Variants in MBD5 observed in about 807,000 individuals in gnomAD.
The protein encoded by MBD5 is methyl-CpG binding domain protein 5, also known as methyl-CpG-binding domain protein 5.
In MBD5, 13 loss-of-function variants were observed where a neutral mutation model predicts 117.3. That is an observed-to-expected ratio of 0.11 (90% CI 0.07 to 0.18). MBD5 has a LOEUF of 0.18. Among genes scored for constraint, MBD5 ranks in the 10% least tolerant of loss-of-function variants. The probability of loss-of-function intolerance (pLI) is 1.00; values close to 1 mark genes in which losing one functional copy is unlikely to be tolerated. For missense variants in MBD5, 1,879 were observed against 2,093.8 expected (o/e 0.90, Z 2.00); for synonymous variants, 727 against 766.4 (o/e 0.95, Z 0.85).
chr2:148,471,072 C>G (rs1680781418), intron 8 of MBD5: 1 of 151,752 alleles, frequency 6.6e-6, no homozygotes, highest in Non-Finnish European at 1.5e-5. Context: ...AAAAAAAAAG[C>G]TAATAATTTA....
At chr2:148,135,300 G>C (rs1443416388) in intron 1 of MBD5, among the ~76,000 whole-genome samples, 1 of 152,126 alleles carries the variant, frequency 6.6e-6, no homozygotes, top group Non-Finnish European at 1.5e-5. Context: ...AACTTTACTT[G>C]TGTTACTTCT....
chr2:148,502,881 T>A (rs1681915894), intron 12 of MBD5: 4 of 322,182 alleles, frequency 1.2e-5, no homozygotes, highest in South Asian at 6.6e-5. Context: ...GGGGAGTAAA[T>A]ACCCCTCGTT....
At chr2:148,336,387 T>C (rs1222354347) in intron 3 of MBD5, among the ~76,000 whole-genome samples, 1 of 152,150 alleles carries the variant, frequency 6.6e-6, no homozygotes, top group African/African-American at 2.4e-5. Flanking sequence ...TCTACTCTTC[T>C]TTTCTTTCTT....
At chr2:148,170,367 A>C (rs1221703299) in intron 1 of MBD5, among the ~76,000 whole-genome samples, 1 of 152,232 alleles carries the variant, frequency 6.6e-6, no homozygotes, top group Non-Finnish European at 1.5e-5. Flanking sequence ...CTGTGATAAA[A>C]ACAGTTGATA....
At chr2:148,462,738 A>G in intron 6 of MBD5, 54 bp downstream of exon 6, 3 of 1,198,680 alleles carry the variant, frequency 2.5e-6, no homozygotes, top group Non-Finnish European at 3.7e-6. Flanking sequence ...GGTATTTTGT[A>G]TATTTGTTTT....
intron 1 of MBD5, among the ~76,000 whole-genome samples, chr2:148,139,404 C>G (rs1265937524): frequency 6.6e-6 from 1 of 152,062 alleles, no homozygotes; most frequent in African/African-American, 2.4e-5. Flanking sequence ...CGGGGTTTCT[C>G]CATGTTGGTC....
chr2:148,347,088 A>G (rs1264805267), intron 4 of MBD5: 1 of 152,038 alleles, frequency 6.6e-6, no homozygotes, highest in Admixed American at 6.6e-5. Context: ...CTAACTTTAG[A>G]TGGAATTTTG....
In MBD5 at chr2:148,483,555, C is replaced by T. The variant is rs1188495982; in HGVS notation, c.2964C>T (p.Leu988=). The part of the protein sequence containing the change: ...GQVLQPVHFQ[L]LAALLQNQAQ... The stretch of plus-strand genomic sequence containing the variant: ...TATTGCAGCCTGTTCACTTTCAGCT[C>T]TTAGCAGCCTTGCTTCAGAACCAAG... Residue 988 remains leucine (L), a synonymous_variant, in exon 9 of 14, where the codon CTC becomes CTT. Coordinates refer to ENST00000642680, the MANE Select transcript of MBD5 (RefSeq NM_001378120.1). 2 of 1,576,130 alleles carry T rather than the reference C, an allele frequency of 1.3e-6. No individual in the cohort carries two copies. The highest frequency in any genetic ancestry group is 1.9e-5 in the Admixed American group (1 of 52,900).
chr2:148,391,487 C>G (rs1704571458), intron 4 of MBD5, among the ~76,000 whole-genome samples: 1 of 152,108 alleles, frequency 6.6e-6, no homozygotes, highest in Admixed American at 6.5e-5. Context: ...ATTTATATTA[C>G]TTAAATCTTT....
At chr2:148,199,768 A>T (rs1408809321) in intron 2 of MBD5, among the ~76,000 whole-genome samples, 1 of 152,162 alleles carries the variant, frequency 6.6e-6, no homozygotes, top group Non-Finnish European at 1.5e-5. Context: ...TCAAAAAAAA[A>T]AAGAAAAGAT....
At position 148,021,473 on chromosome 2, in the gene MBD5, T is replaced by C; in HGVS notation, c.-1136T>C. The stretch of plus-strand genomic sequence containing the variant: ...CCTTTGCTGCTGCTGTTGCTGCTGC[T>C]GCTGCTGTTGCTGCTGCTGCTGCTA... On this transcript the variant is annotated 5_prime_UTR_variant, in exon 1 of 14. Transcript: ENST00000642680. 1.7e-6 allele frequency: 1 copy of C among 577,972 alleles called. No homozygotes were observed. The highest frequency in any genetic ancestry group is 3.3e-6 in the Non-Finnish European group (1 of 300,060). 35.8% of individuals were successfully genotyped at this position (577,972 alleles called of 1,614,324 possible).
chr2:148,182,117 A>T (rs1381624427), intron 2 of MBD5, among the ~76,000 whole-genome samples: 1 of 152,026 alleles, frequency 6.6e-6, no homozygotes, highest in Non-Finnish European at 1.5e-5. Flanking sequence ...CTCATGTCTC[A>T]TCATAAAGGA....
intron 4 of MBD5, among the ~76,000 whole-genome samples, chr2:148,442,235 C>T (rs896566242): frequency 1.3e-5 from 2 of 151,372 alleles, no homozygotes; most frequent in African/African-American, 4.9e-5. Flanking sequence ...GCGACTAGCT[C>T]AGTGCTGAGG....
intron 3 of MBD5, among the ~76,000 whole-genome samples, chr2:148,320,894 C>G (rs1418879395): frequency 2.0e-5 from 3 of 152,112 alleles, no homozygotes; most frequent in African/African-American, 4.8e-5. Flanking sequence ...CTTCTCTCCT[C>G]TTTTTTAGTC....
At chr2:148,229,549 T>A (rs1699929950) in intron 2 of MBD5, among the ~76,000 whole-genome samples, 1 of 152,102 alleles carries the variant, frequency 6.6e-6, no homozygotes, top group Non-Finnish European at 1.5e-5. Context: ...GTGTTGATGC[T>A]AGTAGATGTT....
intron 1 of MBD5, among the ~76,000 whole-genome samples, chr2:148,115,083 C>T (rs1558931732): frequency 6.6e-6 from 1 of 152,032 alleles, no homozygotes; most frequent in South Asian, 2.1e-4. Context: ...ATACTCTAAT[C>T]GTTCTGTACA....
At chr2:148,253,192 C>A (rs1418756853) in intron 3 of MBD5, among the ~76,000 whole-genome samples, 4 of 152,146 alleles carry the variant, frequency 2.6e-5, no homozygotes, top group Admixed American at 6.5e-5. Flanking sequence ...GTAACACCAT[C>A]ATCTTCACTA....
rs545429280 is a variant in MBD5 at position 148,317,327 on chromosome 2, C to A, written c.-679-24887C>A. On this transcript the variant is annotated intron_variant, in intron 3 of 13. Transcript: ENST00000642680. ...GAGGTTGCAGTGAGCCGAGAACACA[C>A]CATTGCACTCGAGCCTGGGCAACAA... Among the ~76,000 whole-genome samples the A allele has an allele frequency of 4.6e-5, 7 of 152,126 alleles. No individual in the cohort carries two copies. In the South Asian group the frequency reaches 1.5e-3, roughly 32 times the overall value.
intron 1 of MBD5, among the ~76,000 whole-genome samples, chr2:148,095,741 T>A (rs988350184): frequency 9.9e-5 from 15 of 151,980 alleles, no homozygotes; most frequent in Non-Finnish European, 2.9e-5. Flanking sequence ...TTTTTTTTTT[T>A]AACTTTTCTG....
Sources: gnomAD v4.1 joint callset for allele counts (sites outside exome capture counted in the v4.1 genomes callset) on GRCh38, gnomAD v4.1.1 for gene constraint, MANE v1.5 for transcripts, NCBI Gene and HGNC (gene_info 2026-07-23, HGNC 2026-07-21) for gene names.